The following DAP variants were observed in gnomAD, a reference collection of about 807,000 sequenced individuals.
The protein encoded by DAP is death associated protein.
In DAP, 8 loss-of-function variants were observed where a neutral mutation model predicts 13.8. The ratio of observed to expected loss-of-function variants is 0.58; its 90% confidence interval spans 0.34 to 1.05. DAP has a LOEUF of 1.05. Among genes scored for constraint, DAP ranks in the 50% least tolerant of loss-of-function variants. The probability of loss-of-function intolerance (pLI) is 0.03; values close to 1 mark genes in which losing one functional copy is unlikely to be tolerated. For synonymous variants in DAP, 47 were observed against 47.5 expected (o/e 0.99, Z 0.04); for missense variants, 106 against 133.2 (o/e 0.80, Z 1.01).
At chr5:10,689,099 T>C (rs1738232474) in intron 2 of DAP, among the ~76,000 whole-genome samples, 1 of 152,176 alleles carries the variant, frequency 6.6e-6, no homozygotes, top group Non-Finnish European at 1.5e-5. Context: ...GGTGGGGTTC[T>C]ATGCCTCGAG....
intron 2 of DAP, chr5:10,733,725 A>G (rs561378124): frequency 1.3e-5 from 2 of 152,374 alleles, no homozygotes; most frequent in Admixed American, 6.5e-5. Context: ...TTCTTCCCCA[A>G]CATGGCTACT....
chr5:10,743,719 A>T (rs577737228), intron 2 of DAP, among the ~76,000 whole-genome samples: 27 of 152,324 alleles, frequency 1.8e-4, no homozygotes, highest in Admixed American at 1.6e-3. Flanking sequence ...ACTCGACAAA[A>T]GGCTTGGAAA....
chr5:10,709,685 T>C (rs766903627), intron 2 of DAP, among the ~76,000 whole-genome samples: 45 of 152,258 alleles, frequency 3.0e-4, no homozygotes, highest in Non-Finnish European at 4.3e-4. Flanking sequence ...TCTGACCACA[T>C]GACAGGAAGC....
chr5:10,702,465 T>A (rs896676322), intron 2 of DAP, among the ~76,000 whole-genome samples: 2 of 152,216 alleles, frequency 1.3e-5, no homozygotes, highest in Non-Finnish European at 2.9e-5. Context: ...GGTTGATATC[T>A]GGAGTCCCCA....
intron 2 of DAP, among the ~76,000 whole-genome samples, chr5:10,683,949 G>A (rs952084543): frequency 6.6e-6 from 1 of 152,070 alleles, no homozygotes; most frequent in East Asian, 1.9e-4. Context: ...TCAGTCTCCC[G>A]AGTAGCTGGG....
chr5:10,724,911 C>T (rs1739246769), intron 2 of DAP, among the ~76,000 whole-genome samples: 2 of 149,762 alleles, frequency 1.3e-5, no homozygotes, highest in African/African-American at 2.5e-5. Flanking sequence ...TCTCTACTCC[C>T]CCCAGGAGGA....
intron 2 of DAP, among the ~76,000 whole-genome samples, chr5:10,684,132 T>G (rs532967660): frequency 6.6e-6 from 1 of 152,296 alleles, no homozygotes; most frequent in Admixed American, 6.5e-5. Context: ...CCTATTTTTG[T>G]TTTTTGGTTA....
chr5:10,757,043 C>T (rs1311906903), intron 1 of DAP, among the ~76,000 whole-genome samples: 1 of 152,174 alleles, frequency 6.6e-6, no homozygotes, highest in Non-Finnish European at 1.5e-5. Flanking sequence ...GATGCAGTGC[C>T]ATCCATCACT....
At chr5:10,729,196 A>C (rs919694018) in intron 2 of DAP, among the ~76,000 whole-genome samples, 1 of 152,214 alleles carries the variant, frequency 6.6e-6, no homozygotes, top group Non-Finnish European at 1.5e-5. Context: ...GGTATAGCTG[A>C]AAGTTAACCT....
chr5:10,748,054 A>G (rs957074043), intron 2 of DAP, 121 bp downstream of exon 2: 1 of 696,512 alleles, frequency 1.4e-6, no homozygotes, highest in African/African-American at 1.8e-5. Context: ...GGAAAAATAC[A>G]CAGAACAGGG....
chr5:10,719,460 G>C (rs554554971), intron 2 of DAP, among the ~76,000 whole-genome samples: 4 of 152,224 alleles, frequency 2.6e-5, no homozygotes, highest in Non-Finnish European at 2.9e-5. Context: ...AGGCCACTAG[G>C]ATTTTGGAGC....
chr5:10,705,923 C>T (rs1738686431), intron 2 of DAP, among the ~76,000 whole-genome samples: 1 of 152,142 alleles, frequency 6.6e-6, no homozygotes, highest in African/African-American at 2.4e-5. Context: ...ATTTACTGCC[C>T]CTGAATCATG....
chr5:10,719,159 G>A (rs911734023), intron 2 of DAP, among the ~76,000 whole-genome samples: 1 of 152,224 alleles, frequency 6.6e-6, no homozygotes, highest in Admixed American at 6.5e-5. Flanking sequence ...GGCCCCTCCT[G>A]CAACCAAGAA....
chr5:10,742,865 G>A (rs375155115), intron 2 of DAP, among the ~76,000 whole-genome samples: 1 of 152,106 alleles, frequency 6.6e-6, no homozygotes, highest in African/African-American at 2.4e-5. Flanking sequence ...ATACAGGTAT[G>A]ACACTAACCC....
rs1040328650 is a variant in DAP at position 10,747,092 on chromosome 5, C to T, written c.152+1083G>A. Among the ~76,000 whole-genome samples the T allele has an allele frequency of 1.4e-4, 22 of 152,186 alleles. 1 individual carries two copies. The highest frequency in any genetic ancestry group is 1.4e-3 in the Admixed American group (21 of 15,280). Reference sequence around the variant, plus strand: ...CTGCTGGAATGAAATGAAATAAAAGCATGGGCCTAATCCACAGGAATCAAG... The same window carrying T: ...CTGCTGGAATGAAATGAAATAAAAGTATGGGCCTAATCCACAGGAATCAAG... On this transcript the variant is annotated intron_variant, in intron 2 of 3. Transcript: ENST00000230895.
chr5:10,693,257 A>G (rs910416445), intron 2 of DAP, among the ~76,000 whole-genome samples: 3 of 152,228 alleles, frequency 2.0e-5, no homozygotes, highest in African/African-American at 2.4e-5. Flanking sequence ...ACGTAACAGA[A>G]TCATTTTCAT....
At chr5:10,717,856 G>C (rs1300495222) in intron 2 of DAP, among the ~76,000 whole-genome samples, 1 of 152,170 alleles carries the variant, frequency 6.6e-6, no homozygotes, top group East Asian at 1.9e-4. Flanking sequence ...AAATTGATAG[G>C]AAGCTTACTG....
At chr5:10,708,902 T>C (rs934532037) in intron 2 of DAP, among the ~76,000 whole-genome samples, 4 of 152,250 alleles carry the variant, frequency 2.6e-5, no homozygotes, top group African/African-American at 9.6e-5. Flanking sequence ...TCGTTGGATT[T>C]CACTAATTTG....
rs5745257 is a variant in DAP, at chr5:10,696,830, C to T, written c.153-13259G>A. On this transcript the variant is annotated intron_variant, in intron 2 of 3. Coordinates refer to ENST00000230895, the MANE Select transcript of DAP (RefSeq NM_004394.3). The stretch of plus-strand genomic sequence containing the variant: ...CCTCACTCCTTTGTTCTAAGCATTG[C>T]GCTGTGCCATGGCGCAGGGTTTCAG... 6.8e-3 allele frequency among the ~76,000 whole-genome samples: 1,036 copies of T among 152,238 alleles called. 8 individuals carry two copies. The highest frequency in any genetic ancestry group is 0.024 in the African/African-American group (983 of 41,526).
Sources: gnomAD v4.1 joint callset for allele counts (sites outside exome capture counted in the v4.1 genomes callset) on GRCh38, gnomAD v4.1.1 for gene constraint, MANE v1.5 for transcripts, NCBI Gene and HGNC (gene_info 2026-07-23, HGNC 2026-07-21) for gene names.